Variants in ADARB2 observed in about 807,000 individuals in gnomAD.
ADARB2 encodes adenosine deaminase RNA specific B2 (inactive), also known as inactive double-stranded RNA-specific editase B2.
Under a neutral mutation model 62.2 loss-of-function variants are expected in ADARB2, and 25 were observed. The ratio of observed to expected loss-of-function variants is 0.40; its 90% CI spans 0.29 to 0.56. The LOEUF is 0.56. ADARB2 is among the 20% of genes least tolerant of loss of function. The pLI is 0.43. For missense variants in ADARB2, 1,071 were observed against 1,077.4 expected (o/e 0.99, Z 0.08); for synonymous variants, 572 against 500.8 (o/e 1.14, Z -1.90).
chr10:1,233,455 A>G (rs373525757), intron 6 of ADARB2, among the ~76,000 whole-genome samples: 4 of 152,290 alleles, frequency 2.6e-5, no homozygotes, highest in East Asian at 1.9e-4. Flanking sequence ...GCAGAGAACT[A>G]TGGCAATTAG....
At chr10:1,287,915 A>T (rs1252129346) in intron 3 of ADARB2, among the ~76,000 whole-genome samples, 1 of 152,142 alleles carries the variant, frequency 6.6e-6, no homozygotes, top group Non-Finnish European at 1.5e-5. Context: ...TTATTTTGTG[A>T]CTGCTGACAC....
intron 1 of ADARB2, among the ~76,000 whole-genome samples, chr10:1,412,730 G>A (rs1260207570): frequency 6.6e-6 from 1 of 152,156 alleles, no homozygotes; most frequent in African/African-American, 2.4e-5. Flanking sequence ...GGGGCAGGTG[G>A]GTGTGGGGGC....
rs533030515 is a variant in ADARB2, at chr10:1,563,877, G to A, written c.100+173174C>T. Among the ~76,000 whole-genome samples the A allele has an allele frequency of 1.1e-3, 168 of 146,538 alleles. 1 individual carries two copies. Among genetic ancestry groups the A allele is most frequent in the African/African-American group, 3.7e-3 (148 of 39,474 alleles). ...TTCCTACCTATGAGTGAGAATATGC[G>A]GTGTTTGGTTTTTTGTTCTTGCGAT... On this transcript the variant is annotated intron_variant, in intron 1 of 9. Coordinates refer to ENST00000381312, the MANE Select transcript of ADARB2 (RefSeq NM_018702.4).
At chr10:1,672,735 G>GCTCCTGCCTCCCTCCACGCATGAAAAGT (rs141051793) in intron 1 of ADARB2, among the ~76,000 whole-genome samples, 3 of 146,870 alleles carry the variant, frequency 2.0e-5, no homozygotes, top group Non-Finnish European at 3.0e-5. Context: ...GCACCGCAAG[G>GCTCCTGCCTCCCTCCACGCATGAAAAGT]CTCCTGCCTC....
At chr10:1,222,942 A>G (rs1830707978) in intron 6 of ADARB2, among the ~76,000 whole-genome samples, 1 of 151,956 alleles carries the variant, frequency 6.6e-6, no homozygotes, top group Middle Eastern at 3.4e-3. Flanking sequence ...GTTTTTTCCA[A>G]TTCTGTGAAG....
intron 1 of ADARB2, among the ~76,000 whole-genome samples, chr10:1,564,992 C>T (rs570202039): frequency 1.3e-5 from 2 of 152,208 alleles, no homozygotes; most frequent in Non-Finnish European, 2.9e-5. Context: ...CTGCATCCCA[C>T]CTGGCCTGGG....
chr10:1,223,561 G>A (rs1830715948), intron 6 of ADARB2, among the ~76,000 whole-genome samples: 1 of 152,260 alleles, frequency 6.6e-6, no homozygotes, highest in African/African-American at 2.4e-5. Flanking sequence ...CTGTGGGTTT[G>A]TCATAGATAG....
chr10:1,457,986 T>TTGCAA (rs1328151193), intron 1 of ADARB2, among the ~76,000 whole-genome samples: 1 of 123,476 alleles, frequency 8.1e-6, no homozygotes, highest in Non-Finnish European at 1.8e-5. Context: ...TTTGCCTCAT[T>TTGCAA]GCTTACCCTC....
chr10:1,551,692 C>T (rs527418297), intron 1 of ADARB2, among the ~76,000 whole-genome samples: 14 of 152,320 alleles, frequency 9.2e-5, no homozygotes, highest in Middle Eastern at 3.4e-3. Context: ...GCACCTGAGG[C>T]GCCAGGGCCT....
chr10:1,268,828 A>G (rs543072217), intron 4 of ADARB2, among the ~76,000 whole-genome samples: 17 of 152,376 alleles, frequency 1.1e-4, no homozygotes, highest in African/African-American at 3.8e-4. Flanking sequence ...AATTTAATTC[A>G]TATAGATAAA....
chr10:1,549,868 C>A (rs916392084), intron 1 of ADARB2, among the ~76,000 whole-genome samples: 1 of 152,194 alleles, frequency 6.6e-6, no homozygotes, highest in Admixed American at 6.5e-5. Context: ...CTCTCACCCC[C>A]TCTCCTGGGT....
Position 1,550,646 on chromosome 10 carries a change from T to G in ADARB2, c.101-171486A>C, listed in dbSNP as rs1832606813. Among the ~76,000 whole-genome samples the G allele has an allele frequency of 2.0e-5, 3 of 152,198 alleles. No homozygotes were observed. The South Asian group carries it at 6.2e-4, about 32-fold the overall frequency. The stretch of plus-strand genomic sequence containing the variant: ...CGACACTGGAGAGGTTTTAGTGTAA[T>G]GCAGTCTCATGGCTTTGGAGTGAAA... On this transcript the variant is annotated intron_variant, in intron 1 of 9. Transcript: ENST00000381312.
intron 1 of ADARB2, among the ~76,000 whole-genome samples, chr10:1,455,321 G>A (rs996069508): frequency 3.8e-4 from 58 of 152,308 alleles, no homozygotes; most frequent in African/African-American, 1.4e-3. Context: ...AATTTAAAAT[G>A]TTAATTTAAA....
At chr10:1,195,478 G>T (rs1193597971) in intron 8 of ADARB2, among the ~76,000 whole-genome samples, 1 of 150,272 alleles carries the variant, frequency 6.7e-6, no homozygotes, top group Non-Finnish European at 1.5e-5. Context: ...TCTCAGAATG[G>T]CAGAGTTTTG....
At chr10:1,248,339 G>T (rs12256286) in intron 4 of ADARB2, among the ~76,000 whole-genome samples, 1 of 150,500 alleles carries the variant, frequency 6.6e-6, no homozygotes, top group African/African-American at 2.5e-5. Context: ...GGCGTGCAAC[G>T]TGTCAGTCAT....
rs1463644861 is a variant in ADARB2, at chr10:1,477,473, C to T, written c.101-98313G>A. 6.6e-6 allele frequency among the ~76,000 whole-genome samples: 1 copy of T among 152,168 alleles called. No individual in the cohort carries two copies. Among genetic ancestry groups the T allele is most frequent in the Non-Finnish European group, 1.5e-5 (1 of 68,030 alleles). On this transcript the variant is annotated intron_variant, in intron 1 of 9. Coordinates refer to ENST00000381312, the MANE Select transcript of ADARB2 (RefSeq NM_018702.4). The surrounding 1 kb of genome is among the most constrained non-coding windows in gnomAD (Gnocchi z 4.5). Reference sequence around the variant, plus strand: ...ACGGCCCCTTTTCTGCTGTGCTGCCCATTGCTTTCTTGCAACGTATCTTCG... The same window carrying T: ...ACGGCCCCTTTTCTGCTGTGCTGCCTATTGCTTTCTTGCAACGTATCTTCG...
chr10:1,573,392 T>A (rs1288938401), intron 1 of ADARB2, among the ~76,000 whole-genome samples: 2 of 152,162 alleles, frequency 1.3e-5, no homozygotes, highest in Non-Finnish European at 2.9e-5. Flanking sequence ...TTTCTCCTCA[T>A]GTCACAGAAG....
chr10:1,504,332 A>G (rs976823704), intron 1 of ADARB2, among the ~76,000 whole-genome samples: 4 of 152,202 alleles, frequency 2.6e-5, no homozygotes, highest in African/African-American at 9.7e-5. Context: ...TCTCCCATGA[A>G]GCCAACACTT....
intron 6 of ADARB2, among the ~76,000 whole-genome samples, chr10:1,220,258 A>ATGATGG (rs1830680097): frequency 1.7e-5 from 2 of 121,200 alleles, no homozygotes; most frequent in African/African-American, 6.2e-5. Context: ...GGTGGTGGTG[A>ATGATGG]TGATGGTGGT....
Sources: gnomAD v4.1 joint callset for allele counts (sites outside exome capture counted in the v4.1 genomes callset) on GRCh38, gnomAD v4.1.1 for gene constraint, Gnocchi (gnomAD v3.1) non-coding constraint, MANE v1.5 for transcripts, NCBI Gene and HGNC (gene_info 2026-07-23, HGNC 2026-07-21) for gene names.